CPEB1: variants seen among roughly 807,000 people sequenced by gnomAD.
CPEB1 encodes cytoplasmic polyadenylation element binding protein 1.
In CPEB1, 7 loss-of-function variants were observed where a neutral mutation model predicts 65.8. That is an observed-to-expected ratio of 0.11 (90% CI 0.06 to 0.20). The LOEUF (loss-of-function observed/expected upper bound fraction) is 0.20, where lower values mean the gene tolerates loss of function less well. Ranked by LOEUF, CPEB1 falls within the 10% of genes least tolerant of loss-of-function variation. CPEB1 has a pLI of 1.00. For synonymous variants in CPEB1, 262 were observed against 260.0 expected, an observed-to-expected ratio of 1.01 and a Z score of -0.08; for missense variants, 551 against 712.2, an observed-to-expected ratio of 0.77 and a Z score of 2.58.
At chr15:82,555,255 C>T (rs571339115) in intron 6 of CPEB1, among the ~76,000 whole-genome samples, 1 of 152,366 alleles carries the variant, frequency 6.6e-6, no homozygotes, top group East Asian at 1.9e-4. Context: ...TCGGCTCAAG[C>T]CATCCTGCTG....
chr15:82,628,210 A>T, intron 2 of CPEB1, 154 bp downstream of exon 2: 1 of 702,502 alleles, frequency 1.4e-6, no homozygotes, highest in Non-Finnish European at 2.6e-6. Flanking sequence ...ATTCCTGCTT[A>T]AAAAAACTGT....
chr15:82,552,730 AT>A (rs1281984775), intron 8 of CPEB1, 114 bp from the exon 9 acceptor site: 16 of 1,226,486 alleles, frequency 1.3e-5, no homozygotes, highest in Non-Finnish European at 1.9e-5. Flanking sequence ...TATAAGATAC[AT>A]TTTTGTTTTA....
At chr15:82,553,380 A>G (rs1205757153) in intron 8 of CPEB1, 87 bp downstream of exon 8, 4 of 967,016 alleles carry the variant, frequency 4.1e-6, no homozygotes, top group Admixed American at 3.9e-5. Flanking sequence ...TGCAGCTGTG[A>G]CATCCCAGCA....
In CPEB1 at chr15:82,558,640, G is replaced by A. The variant is rs145387379; in HGVS notation, c.461-654C>T. 3.3e-5 allele frequency among the ~76,000 whole-genome samples: 5 copies of A among 152,292 alleles called. No individual in the cohort carries two copies. The East Asian group carries it at 9.6e-4, about 29-fold the overall frequency. ...TGTCTGACACCTCTTGTATATGTCT[G>A]TGAGCTCTGGGAAGCTCACTTAGCT... is the stretch of plus-strand genomic sequence containing the variant. On this transcript the variant is annotated intron_variant, in intron 4 of 12. Transcript: ENST00000684509.
rs181930518 is a variant in CPEB1 at position 82,579,485 on chromosome 15, G to A, written c.272-7953C>T. On this transcript the variant is annotated intron_variant, in intron 3 of 12. Transcript: ENST00000684509. ...TTATTAAAGAATAAAACTTTATCAA[G>A]ATTTATAACATTTAGATTGCCTTAA... Among the ~76,000 whole-genome samples, 308 of 131,814 alleles carry A rather than the reference G, an allele frequency of 2.3e-3. 5 individuals are homozygous for A. The highest frequency in any genetic ancestry group is 7.2e-3 in the South Asian group (27 of 3,740). The allele number at this position is 131,814 out of a possible 152,430, so 86.5% of individuals were successfully genotyped here. A position where few individuals can be genotyped will look rare whatever the true frequency, so the allele number is the denominator to read the frequency against.
chr15:82,646,537 G>A (rs7166378), intron 1 of CPEB1, among the ~76,000 whole-genome samples: 1 of 152,170 alleles, frequency 6.6e-6, no homozygotes, highest in East Asian at 1.9e-4. Flanking sequence ...TTCGGCTCCC[G>A]ACTCTCTTCC....
intron 3 of CPEB1, among the ~76,000 whole-genome samples, chr15:82,579,165 T>G (rs1596056989): frequency 6.6e-6 from 1 of 152,136 alleles, no homozygotes; most frequent in East Asian, 1.9e-4. Context: ...TTTATGTCAT[T>G]AAAAACTATT....
At chr15:82,559,795 A>C (rs1010137987) in intron 4 of CPEB1, among the ~76,000 whole-genome samples, 6 of 152,180 alleles carry the variant, frequency 3.9e-5, no homozygotes, top group African/African-American at 1.4e-4. Flanking sequence ...TTCTCAAATA[A>C]TCCTTTGGTC....
intron 3 of CPEB1, among the ~76,000 whole-genome samples, chr15:82,580,878 G>T (rs1313471971): frequency 2.0e-5 from 3 of 150,742 alleles, no homozygotes; most frequent in Admixed American, 6.6e-5. Context: ...TTGAGACAGG[G>T]TCTCCTTCTG....
rs1555451798 is a variant in CPEB1, at chr15:82,543,456, C to CT, written c.*1135dup. 28,112 of 112,740 alleles carry CT rather than the reference C, an allele frequency of 0.25. 3,744 individuals are homozygous for CT. Among genetic ancestry groups the CT allele is most frequent in the South Asian group, 0.34 (1,028 of 3,054 alleles). The allele number at this position is 112,740 out of a possible 1,614,324, so 7.0% of individuals were successfully genotyped here. On this transcript the variant is annotated 3_prime_UTR_variant, in exon 13 of 13. Transcript: ENST00000684509. ...AGTAGTTTTTGTGGGTTTTTTGTTT[C>CT]TTTTTAAAAAAAAAAAAAAAAAAAA...
chr15:82,606,859 A>C (rs965019337), intron 3 of CPEB1, among the ~76,000 whole-genome samples: 1 of 151,060 alleles, frequency 6.6e-6, no homozygotes, highest in Non-Finnish European at 1.5e-5. Context: ...GAGGCCAGGC[A>C]TAGTAGCTCA....
chr15:82,595,963 G>T (rs28415133), intron 3 of CPEB1, among the ~76,000 whole-genome samples: 1 of 152,076 alleles, frequency 6.6e-6, no homozygotes, highest in Middle Eastern at 3.4e-3. Flanking sequence ...ACAGAAACTA[G>T]AGGGGGCCGA....
chr15:82,599,277 A>G (rs2042911731), intron 3 of CPEB1, among the ~76,000 whole-genome samples: 2 of 152,328 alleles, frequency 1.3e-5, no homozygotes, highest in East Asian at 1.9e-4. Context: ...CTCTTCACTC[A>G]TACCATCACA....
chr15:82,620,853 A>G (rs77054593), intron 3 of CPEB1, among the ~76,000 whole-genome samples: 2,697 of 152,310 alleles, frequency 0.018, 29 homozygotes, highest in Non-Finnish European at 0.026. Context: ...AGAGACTGAA[A>G]GGACTGCAAG....
chr15:82,550,981 G>C, intron 9 of CPEB1, among the ~76,000 whole-genome samples: 1 of 152,128 alleles, frequency 6.6e-6, no homozygotes, highest in East Asian at 1.9e-4. Flanking sequence ...AAGGGGAAGG[G>C]CTCTGTGATA....
intron 4 of CPEB1, among the ~76,000 whole-genome samples, chr15:82,569,047 C>T (rs574257268): frequency 2.6e-5 from 4 of 152,330 alleles, no homozygotes; most frequent in Admixed American, 1.3e-4. Context: ...AGGATAACTC[C>T]GAAAATGCCC....
At chr15:82,637,894 T>C (rs1197691012) in intron 1 of CPEB1, 4 of 413,252 alleles carry the variant, frequency 9.7e-6, no homozygotes, top group East Asian at 1.4e-4. Flanking sequence ...ATTCACCCAT[T>C]AGAAATTAAA....
chr15:82,595,220 G>C (rs2151166422), intron 3 of CPEB1, among the ~76,000 whole-genome samples: 1 of 152,336 alleles, frequency 6.6e-6, no homozygotes, highest in African/African-American at 2.4e-5. Context: ...TTCATCACCA[G>C]TTAATAGACA....
At chr15:82,646,412 C>G (rs1303438908) in intron 1 of CPEB1, among the ~76,000 whole-genome samples, 1 of 152,144 alleles carries the variant, frequency 6.6e-6, no homozygotes, top group East Asian at 1.9e-4. Flanking sequence ...GAAGCGGTTG[C>G]CAGAGAAATG....
Sources: gnomAD v4.1 joint callset for allele counts (sites outside exome capture counted in the v4.1 genomes callset) on GRCh38, gnomAD v4.1.1 for gene constraint, MANE v1.5 for transcripts, NCBI Gene and HGNC (gene_info 2026-07-23, HGNC 2026-07-21) for gene names.